Variants in TMEM51 observed in about 807,000 individuals in gnomAD.
The protein encoded by TMEM51 is transmembrane protein 51, also known as chromosome 1 open reading frame 72.
Under a neutral mutation model 13.6 loss-of-function variants are expected in TMEM51, and 8 were observed. The ratio of observed to expected loss-of-function variants is 0.59; its 90% CI spans 0.35 to 1.07. The LOEUF is 1.07. Ranked by LOEUF, TMEM51 falls within the 50% of genes least tolerant of loss-of-function variation. The pLI, the probability that TMEM51 is intolerant of heterozygous loss-of-function variation, is 0.02. For missense variants in TMEM51, 279 were observed against 330.7 expected (o/e 0.84, Z 1.21); for synonymous variants, 147 against 144.4 (o/e 1.02, Z -0.13).
At chr1:15,158,970 A>G (rs1642677974) in intron 1 of TMEM51, among the ~76,000 whole-genome samples, 1 of 152,200 alleles carries the variant, frequency 6.6e-6, no homozygotes, top group Non-Finnish European at 1.5e-5. Context: ...GCACTGAGTC[A>G]CTAGGTAAAA....
At chr1:15,213,640 T>C (rs1021192149) in intron 2 of TMEM51, among the ~76,000 whole-genome samples, 5 of 152,236 alleles carry the variant, frequency 3.3e-5, no homozygotes, top group African/African-American at 1.2e-4. Flanking sequence ...CCAGGACCGC[T>C]GGCTGCTCCC....
Position 15,153,954 on chromosome 1 carries a change from G to T in TMEM51, c.-267G>T, listed in dbSNP as rs1642490359. 1 of 152,386 alleles carries T rather than the reference G, an allele frequency of 6.6e-6. No individual in the cohort carries two copies. The highest frequency in any genetic ancestry group is 2.4e-5 in the African/African-American group (1 of 41,438). 9.4% of individuals were successfully genotyped at this position (152,386 alleles called of 1,614,324 possible). On this transcript the variant is annotated splice_region_variant and 5_prime_UTR_variant, in exon 1 of 4. Coordinates refer to ENST00000376008, the MANE Select transcript of TMEM51 (RefSeq NM_001136218.2). The stretch of plus-strand genomic sequence containing the variant: ...ACGGAGCCGGACCCGCCGCCTCCCG[G>T]GTGAGTCTCAGCCGCCGCGCCTTGC...
intron 1 of TMEM51, chr1:15,168,850 A>G (rs1643132672): frequency 2.4e-6 from 3 of 1,228,798 alleles, no homozygotes. Flanking sequence ...GATAAAAGTT[A>G]CAGATATTTG....
chr1:15,204,268 C>G (rs1012814471), intron 1 of TMEM51, among the ~76,000 whole-genome samples: 14 of 152,300 alleles, frequency 9.2e-5, no homozygotes, highest in African/African-American at 3.1e-4. Context: ...AAGTTGTCCA[C>G]CTAGGCTGGG....
intron 1 of TMEM51, among the ~76,000 whole-genome samples, chr1:15,204,422 C>A (rs567501563): frequency 6.6e-6 from 1 of 152,210 alleles, no homozygotes; most frequent in African/African-American, 2.4e-5. Flanking sequence ...GGTGTGGTGG[C>A]GCACGCCTGT....
chr1:15,180,294 C>A (rs1049542091), intron 1 of TMEM51, among the ~76,000 whole-genome samples: 1 of 152,232 alleles, frequency 6.6e-6, no homozygotes, highest in Non-Finnish European at 1.5e-5. Flanking sequence ...TGATCGTCAG[C>A]AAGACCAGCT....
chr1:15,158,635 G>A (rs1444900088), intron 1 of TMEM51, among the ~76,000 whole-genome samples: 1 of 152,194 alleles, frequency 6.6e-6, no homozygotes, highest in Non-Finnish European at 1.5e-5. Flanking sequence ...AAGATGTGCA[G>A]AGAATTTGTT....
intron 3 of TMEM51, among the ~76,000 whole-genome samples, chr1:15,217,902 A>G (rs973956984): frequency 2.0e-5 from 3 of 152,226 alleles, no homozygotes; most frequent in Non-Finnish European, 4.4e-5. Flanking sequence ...GTTGACACCT[A>G]AAATTAACCA....
intron 1 of TMEM51, among the ~76,000 whole-genome samples, chr1:15,173,214 CTTTTT>C (rs3078132): frequency 1.6e-4 from 16 of 97,004 alleles, no homozygotes; most frequent in Non-Finnish European, 2.4e-4. Flanking sequence ...TGATCATATT[CTTTTT>C]TTTTTTTTTT....
intron 1 of TMEM51, among the ~76,000 whole-genome samples, chr1:15,173,631 A>G (rs1244348840): frequency 6.6e-6 from 1 of 151,932 alleles, no homozygotes; most frequent in Admixed American, 6.6e-5. Flanking sequence ...TTACATAAAT[A>G]TCATCTGTTT....
rs1194267351 is a variant in TMEM51, at chr1:15,219,761, A to T, written c.*18A>T. 2 of 1,609,068 alleles carry T rather than the reference A, an allele frequency of 1.2e-6. No homozygotes were observed. The highest frequency in any genetic ancestry group is 1.3e-5 in the African/African-American group (1 of 74,694). On this transcript the variant is annotated 3_prime_UTR_variant, in exon 4 of 4. Coordinates refer to ENST00000376008, the MANE Select transcript of TMEM51 (RefSeq NM_001136218.2). ...CCGACTGAATGGCCCCACTTGAGCC[A>T]CGCTCCCTCCTGTCTCTCACACCTT...
chr1:15,214,006 C>CTTTTTTT (rs367871717), intron 2 of TMEM51, among the ~76,000 whole-genome samples: 2 of 124,206 alleles, frequency 1.6e-5, no homozygotes, highest in African/African-American at 3.1e-5. Context: ...AGCACCCAGC[C>CTTTTTTT]TTTTTTTTTT....
At chr1:15,198,824 A>G (rs1331479206) in intron 1 of TMEM51, among the ~76,000 whole-genome samples, 2 of 152,238 alleles carry the variant, frequency 1.3e-5, no homozygotes, top group African/African-American at 2.4e-5. Context: ...AGGAAAGAGC[A>G]GCAGGCTCAC....
At position 15,215,402 on chromosome 1, in the gene TMEM51, C is replaced by T. The variant is rs1557860394; in HGVS notation, c.315C>T (p.Gly105=). The T allele has an allele frequency of 4.4e-6, 7 of 1,606,932 alleles. No homozygotes were observed. Among genetic ancestry groups the T allele is most frequent in the Middle Eastern group, 3.7e-4 (2 of 5,436 alleles). The part of the protein sequence containing the change: ...EDLAHVQHPT[G]AGPHAQEEDS... ...TGGCCCATGTCCAGCACCCGACAGG[C>T]GCTGGGCCTCACGCCCAGGAGGAAG... The change falls in exon 3 of 4, where the codon GGC becomes GGT. Residue 105 remains glycine (G), a synonymous_variant. Transcript: ENST00000376008.
chr1:15,182,031 T>G (rs10927702), intron 1 of TMEM51, among the ~76,000 whole-genome samples: 65,362 of 151,196 alleles, frequency 0.43, 14,979 homozygotes, highest in East Asian at 0.87. Context: ...CGTGGTGGTG[T>G]GCACCTGTAA....
intron 1 of TMEM51, chr1:15,192,461 C>CTTTTTTTTTTTT (rs1553201486): frequency 2.6e-3 from 99 of 38,188 alleles, no homozygotes; most frequent in East Asian, 0.016. Context: ...TTTTCTTTTC[C>CTTTTTTTTTTTT]TTTTTTTTTA....
At chr1:15,212,844 C>T (rs995595886) in intron 2 of TMEM51, among the ~76,000 whole-genome samples, 3 of 152,254 alleles carry the variant, frequency 2.0e-5, no homozygotes, top group African/African-American at 4.8e-5. Flanking sequence ...GGTGCTCGCA[C>T]GCATGCACAT....
chr1:15,191,481 G>A (rs1180916460), intron 1 of TMEM51, among the ~76,000 whole-genome samples: 1 of 152,202 alleles, frequency 6.6e-6, no homozygotes, highest in African/African-American at 2.4e-5. Context: ...CTGAGGAACA[G>A]TCACTGGTCC....
chr1:15,155,331 G>A (rs1229433219), intron 1 of TMEM51, among the ~76,000 whole-genome samples: 1 of 152,204 alleles, frequency 6.6e-6, no homozygotes, highest in Non-Finnish European at 1.5e-5. Flanking sequence ...CATGAAAAGT[G>A]TTGCAGAATT....
Sources: gnomAD v4.1 joint callset for allele counts (sites outside exome capture counted in the v4.1 genomes callset) on GRCh38, gnomAD v4.1.1 for gene constraint, MANE v1.5 for transcripts, NCBI Gene and HGNC (gene_info 2026-07-23, HGNC 2026-07-21) for gene names.